Variants in UNC45B observed in about 807,000 individuals in gnomAD.
UNC45B encodes the protein unc-45 myosin chaperone B.
In UNC45B, 78 loss-of-function variants were observed where a neutral mutation model predicts 98.7. That is an observed-to-expected ratio of 0.79 (90% confidence interval 0.66 to 0.95). The LOEUF (loss-of-function observed/expected upper bound fraction) is 0.95. Among genes scored for constraint, UNC45B ranks in the 40% least tolerant of loss-of-function variants. The pLI is 0.00. For synonymous variants in UNC45B, 462 were observed against 480.4 expected (o/e 0.96, Z 0.50); for missense variants, 1,225 against 1,184.9 (o/e 1.03, Z -0.50).
At chr17:35,148,884 C>A in intron 2 of UNC45B, 89 bp from the exon 3 acceptor site, 2 of 1,527,822 alleles carry the variant, frequency 1.3e-6, no homozygotes, top group South Asian at 1.1e-5. Context: ...CCCCAGGAAA[C>A]CCTCTCCCCA....
chr17:35,181,405 C>T (rs2142601595), intron 18 of UNC45B, among the ~76,000 whole-genome samples: 1 of 152,314 alleles, frequency 6.6e-6, no homozygotes, highest in Admixed American at 6.5e-5. Flanking sequence ...CCTGGGCCCT[C>T]ACATAGGGGC....
At chr17:35,166,252 C>T (rs923964116) in intron 9 of UNC45B, among the ~76,000 whole-genome samples, 9 of 150,342 alleles carry the variant, frequency 6.0e-5, no homozygotes, top group Admixed American at 2.0e-4. Context: ...TGGGCAAGAG[C>T]GTGAGACCCC....
rs1346822428 is a variant in UNC45B, at chr17:35,154,870, C to CT, written c.639+134dup. 4.7e-6 allele frequency: 5 copies of CT among 1,067,434 alleles called. No homozygotes were observed. In the Admixed American group the frequency reaches 1.8e-4, roughly 38 times the overall value. The allele number at this position is 1,067,434 out of a possible 1,614,324, so 66.1% of individuals were successfully genotyped here. A position where few individuals can be genotyped will look rare whatever the true frequency, so the allele number is the denominator to read the frequency against. ...AAAAAGTCAAAGGGTGCTCCAGTCTCTTTTTCCCTTTCAGTTGGAAATGGG... is the reference window on the plus strand; with the variant it reads ...AAAAAGTCAAAGGGTGCTCCAGTCTCTTTTTTCCCTTTCAGTTGGAAATGGG... On this transcript the variant is annotated intron_variant, in intron 6 of 19. Transcript: ENST00000394570.
intron 5 of UNC45B, among the ~76,000 whole-genome samples, chr17:35,153,407 T>TA (rs1408382913): frequency 2.0e-5 from 3 of 152,120 alleles, no homozygotes; most frequent in Non-Finnish European, 4.4e-5. Flanking sequence ...TTTATTTCAT[T>TA]AAAAAATATT....
intron 14 of UNC45B, among the ~76,000 whole-genome samples, chr17:35,175,738 A>G (rs2092227914): frequency 6.6e-6 from 1 of 152,120 alleles, no homozygotes; most frequent in Admixed American, 6.5e-5. Flanking sequence ...GATAGTGGGG[A>G]GTGCTCTTTG....
At chr17:35,179,750 G>A (rs4796046) in intron 17 of UNC45B, among the ~76,000 whole-genome samples, 70,660 of 151,528 alleles carry the variant, frequency 0.47, 16,480 homozygotes, top group East Asian at 0.55. Flanking sequence ...GGGGCCTGTT[G>A]GGGGTGGGGA....
chr17:35,159,350 C>T (rs2092085611), intron 7 of UNC45B, 25 bp from the exon 8 acceptor site: 1 of 1,603,916 alleles, frequency 6.2e-7, no homozygotes, highest in East Asian at 2.2e-5. Context: ...CCCCTCTCTA[C>T]TTACCCCGTC....
At chr17:35,163,033 ACTGGGCAACTTACTTGACTTGTC>A (rs1299711059) in intron 8 of UNC45B, among the ~76,000 whole-genome samples, 1 of 152,166 alleles carries the variant, frequency 6.6e-6, no homozygotes, top group South Asian at 2.1e-4. Flanking sequence ...TTGCTATGTC[ACTGGGCAACTTACTTGACTTGTC>A]CTGGGCAACT....
intron 15 of UNC45B, among the ~76,000 whole-genome samples, chr17:35,176,417 G>A (rs1183670074): frequency 1.3e-5 from 2 of 152,170 alleles, no homozygotes; most frequent in Admixed American, 6.5e-5. Flanking sequence ...TTTGCAGACT[G>A]TCACAAGAAT....
chr17:35,163,057 C>T (rs1303123235), intron 8 of UNC45B, among the ~76,000 whole-genome samples: 2 of 152,194 alleles, frequency 1.3e-5, no homozygotes, highest in Non-Finnish European at 2.9e-5. Context: ...TTGACTTGTC[C>T]TGGGCAACTT....
At chr17:35,160,524 A>G (rs998926013) in intron 8 of UNC45B, among the ~76,000 whole-genome samples, 9 of 152,142 alleles carry the variant, frequency 5.9e-5, no homozygotes, top group African/African-American at 2.2e-4. Flanking sequence ...TGCAACCTCA[A>G]ACTCCTGGGC....
intron 15 of UNC45B, 142 bp downstream of exon 15, chr17:35,176,176 C>A: frequency 1.3e-6 from 1 of 749,534 alleles, no homozygotes; most frequent in Non-Finnish European, 2.3e-6. Context: ...TAGCCCCAAG[C>A]CAATTTCTGC....
chr17:35,188,648 A>AT lies in UNC45B; in HGVS notation c.*2098dup, dbSNP rs1567774100. The AT allele has an allele frequency of 4.0e-5, 6 of 151,476 alleles. No individual in the cohort carries two copies. The highest frequency in any genetic ancestry group is 2.1e-4 in the South Asian group (1 of 4,794). The allele number at this position is 151,476 out of a possible 1,614,324, so 9.4% of individuals were successfully genotyped here. On this transcript the variant is annotated 3_prime_UTR_variant, in exon 20 of 20. Coordinates refer to ENST00000394570, the MANE Select transcript of UNC45B (RefSeq NM_001267052.2). ...ACCACCACCCCCAGGTAATTAAAAAATTTTTTTTTGTAGAGACAGGGTCTC... is the reference window on the plus strand; with the variant it reads ...ACCACCACCCCCAGGTAATTAAAAAATTTTTTTTTTGTAGAGACAGGGTCTC...
chr17:35,178,469 T>G (rs528122411), intron 17 of UNC45B, among the ~76,000 whole-genome samples: 1 of 152,314 alleles, frequency 6.6e-6, no homozygotes, highest in South Asian at 2.1e-4. Context: ...TTGCAAAAAT[T>G]TTCTCCCATT....
rs750331860 is a variant in UNC45B at position 35,168,142 on chromosome 17, C to A, written c.1233C>A (p.Asp411Glu). The change falls in exon 10 of 20, where the codon GAC becomes GAA. Residue 411 changes from aspartate (D) to glutamate (E), a missense_variant. Transcript: ENST00000394570. Reference protein sequence around the residue: ...TVSGILQGPFDLGNQLLGLKG... With the variant: ...TVSGILQGPFELGNQLLGLKG... Reference sequence around the variant, plus strand: ...CAGGGATCCTGCAGGGCCCCTTTGACCTGGGCAACCAGCTGCTGGGACTGA... The same window carrying A: ...CAGGGATCCTGCAGGGCCCCTTTGAACTGGGCAACCAGCTGCTGGGACTGA... The A allele has an allele frequency of 5.0e-6, 8 of 1,600,330 alleles. No homozygotes were observed. The South Asian group carries it at 7.9e-5, about 16-fold the overall frequency.
In UNC45B at chr17:35,160,690, G is replaced by A. The variant is rs941119947; in HGVS notation, c.979+1145G>A. On this transcript the variant is annotated intron_variant, in intron 8 of 19. Transcript: ENST00000394570. ...TGGATTCAAGTGATCCTCCCACCTC[G>A]GCCTCCCAAAGTGCTGGAATTACAG... is the stretch of plus-strand genomic sequence containing the variant. Among the ~76,000 whole-genome samples the A allele has an allele frequency of 4.5e-4, 69 of 152,212 alleles. No homozygotes were observed. In the Middle Eastern group the frequency reaches 0.014, roughly 30 times the overall value.
In UNC45B at chr17:35,171,321, GA is replaced by G. The variant is rs1293778342; in HGVS notation, c.1690del (p.Thr564ProfsTer15). The G allele has an allele frequency of 8.1e-6, 13 of 1,613,588 alleles. No individual in the cohort carries two copies. On this transcript the variant is annotated frameshift_variant and splice_region_variant, in exon 13 of 20. Coordinates refer to ENST00000394570, the MANE Select transcript of UNC45B (RefSeq NM_001267052.2). LOFTEE classifies it high-confidence loss of function. The part of the protein sequence containing the change: ...ALQAMFELAK[T>X]SDKTILYSVA... Reference sequence around the variant, plus strand: ...CCTCTCCCCAACCCTGTGCCTTCCAGACCAGTGACAAGACCATCCTGTACTC... The same window carrying G: ...CCTCTCCCCAACCCTGTGCCTTCCAGCCAGTGACAAGACCATCCTGTACTC...
Position 35,164,112 on chromosome 17 carries a change from T to C in UNC45B, c.1097T>C (p.Leu366Pro), listed in dbSNP as rs1314016975. Residue 366 changes from leucine (L) to proline (P), a missense_variant, in exon 9 of 20, where the codon CTG becomes CCG. Leu to Pro is a moderately conservative substitution (Grantham distance 98). Transcript: ENST00000394570. The part of the protein sequence containing the change: ...SILINKLYDD[L>P]RCDPERDHFR... ...CTCATCAACAAGCTCTATGATGACC[T>C]GCGCTGTGACCCGGAGCGCGATCAC... 1.9e-6 allele frequency: 3 copies of C among 1,613,886 alleles called. No homozygotes were observed. The highest frequency in any genetic ancestry group is 2.5e-6 in the Non-Finnish European group (3 of 1,179,962).
rs781749893 is a variant in UNC45B, at chr17:35,174,337, C to T, written c.1926C>T (p.Ile642=). 1.9e-6 allele frequency: 3 copies of T among 1,614,042 alleles called. No individual in the cohort carries two copies. The highest frequency in any genetic ancestry group is 1.7e-6 in the Non-Finnish European group (2 of 1,180,024). Residue 642 remains isoleucine, a synonymous_variant, in exon 14 of 20, where the codon ATC becomes ATT. Coordinates refer to ENST00000394570, the MANE Select transcript of UNC45B (RefSeq NM_001267052.2). ...LACMVKADSA[I]LTDQTKELLA... ...GCATGGTGAAAGCAGATAGTGCCAT[C>T]CTCACTGACCAGACCAAGGAGCTGC...
Sources: gnomAD v4.1 joint callset for allele counts (sites outside exome capture counted in the v4.1 genomes callset) on GRCh38, gnomAD v4.1.1 for gene constraint, MANE v1.5 for transcripts, NCBI Gene and HGNC (gene_info 2026-07-23, HGNC 2026-07-21) for gene names.